Variants in MACROD2 observed in about 807,000 individuals in gnomAD.
The protein encoded by MACROD2 is ADP-ribose glycohydrolase MACROD2.
A neutral mutation model predicts 70.4 loss-of-function variants in MACROD2; 36 were observed. The observed-to-expected ratio is 0.51, with a 90% CI of 0.39 to 0.68. The LOEUF is 0.68. Among genes scored for constraint, MACROD2 ranks in the 30% least tolerant of loss-of-function variants. MACROD2 has a pLI of 0.00. For missense variants in MACROD2, 496 were observed against 538.4 expected (o/e 0.92, Z 0.78); for synonymous variants, 172 against 178.8 (o/e 0.96, Z 0.30).
intron 3 of MACROD2, among the ~76,000 whole-genome samples, chr20:14,361,464 G>T (rs972756614): frequency 6.6e-6 from 1 of 152,012 alleles, no homozygotes; most frequent in Non-Finnish European, 1.5e-5. Context: ...AATGGAGCTG[G>T]ATACATAATA....
chr20:14,765,896 T>C (rs940025740), intron 5 of MACROD2, among the ~76,000 whole-genome samples: 1 of 152,056 alleles, frequency 6.6e-6, no homozygotes, highest in Non-Finnish European at 1.5e-5. Flanking sequence ...GAAAACCTGC[T>C]GTACCACAGA....
intron 15 of MACROD2, among the ~76,000 whole-genome samples, chr20:15,995,699 A>T (rs2066621661): frequency 2.3e-5 from 3 of 132,620 alleles, no homozygotes; most frequent in African/African-American, 8.4e-5. Context: ...TATAAATGAG[A>T]TCACACAGTG....
rs1330274403 is a variant in MACROD2 at position 14,862,622 on chromosome 20, TATATATAAATATATATATAA to T, written c.418+177671_418+177690del. Among the ~76,000 whole-genome samples, 23 of 13,016 alleles carry T rather than the reference TATATATAAATATATATATAA, an allele frequency of 1.8e-3. 2 individuals are homozygous for T. Among genetic ancestry groups the T allele is most frequent in the East Asian group, 3.3e-3 (2 of 598 alleles). The allele number at this position is 13,016 out of a possible 152,430, so 8.5% of individuals were successfully genotyped here. A position where few individuals can be genotyped will look rare whatever the true frequency, so the allele number is the denominator to read the frequency against. ...ATAAATATAAATATATATAAATATA[TATATATAAATATATATATAA>T]ATATATATATATAAATATATATATA... On this transcript the variant is annotated intron_variant, in intron 5 of 17. Transcript: ENST00000684519.
intron 5 of MACROD2, among the ~76,000 whole-genome samples, chr20:14,760,120 T>C (rs1194641504): frequency 1.3e-5 from 2 of 152,074 alleles, no homozygotes; most frequent in African/African-American, 4.8e-5. Flanking sequence ...AGAGGATTCA[T>C]GTGTTGCACA....
intron 4 of MACROD2, among the ~76,000 whole-genome samples, chr20:14,576,283 C>G (rs768783595): frequency 6.6e-6 from 1 of 152,130 alleles, no homozygotes; most frequent in Non-Finnish European, 1.5e-5. Context: ...TGGCCAGTAG[C>G]AACAGAGCTG....
At chr20:15,230,998 A>G (rs1258461477) in intron 6 of MACROD2, among the ~76,000 whole-genome samples, 2 of 152,098 alleles carry the variant, frequency 1.3e-5, no homozygotes, top group Admixed American at 1.3e-4. Context: ...TTGATAGTTC[A>G]CAGAGGTAGT....
chr20:14,105,718 G>C (rs1482127766), intron 3 of MACROD2, among the ~76,000 whole-genome samples: 1 of 152,148 alleles, frequency 6.6e-6, no homozygotes, highest in Non-Finnish European at 1.5e-5. Flanking sequence ...AGACAGTGCA[G>C]TTTGCAGCAA....
chr20:14,913,095 C>A (rs923686350), intron 5 of MACROD2, among the ~76,000 whole-genome samples: 2 of 152,036 alleles, frequency 1.3e-5, no homozygotes, highest in Non-Finnish European at 2.9e-5. Flanking sequence ...GTGTGTATGG[C>A]TGTGTGAGTG....
At chr20:14,214,705 C>T (rs957357909) in intron 3 of MACROD2, among the ~76,000 whole-genome samples, 29 of 151,088 alleles carry the variant, frequency 1.9e-4, no homozygotes, top group Admixed American at 2.0e-4. Flanking sequence ...ACCCGTCACC[C>T]GAGCAGCATA....
At chr20:15,147,033 CT>C (rs1189452813) in intron 5 of MACROD2, among the ~76,000 whole-genome samples, 2 of 152,042 alleles carry the variant, frequency 1.3e-5, no homozygotes, top group Non-Finnish European at 2.9e-5. Context: ...CAGGATAACC[CT>C]TGATTGGCCT....
chr20:15,221,652 G>C (rs1251238997), intron 5 of MACROD2, among the ~76,000 whole-genome samples: 2 of 152,184 alleles, frequency 1.3e-5, no homozygotes, highest in African/African-American at 2.4e-5. Flanking sequence ...GAAAGGGAGA[G>C]CTGATAAAAA....
At chr20:14,865,329 T>C (rs2073416719) in intron 5 of MACROD2, among the ~76,000 whole-genome samples, 1 of 152,082 alleles carries the variant, frequency 6.6e-6, no homozygotes, top group Non-Finnish European at 1.5e-5. Flanking sequence ...CTACCTCTTC[T>C]GTGTGCCCTT....
At chr20:15,700,902 A>C (rs6110748) in intron 8 of MACROD2, among the ~76,000 whole-genome samples, 2,332 of 152,294 alleles carry the variant, frequency 0.015, 67 homozygotes, top group African/African-American at 0.05. Flanking sequence ...CATCTATCAC[A>C]TAAGTGTTAT....
At chr20:15,200,773 A>G (rs555186832) in intron 5 of MACROD2, among the ~76,000 whole-genome samples, 90 of 152,210 alleles carry the variant, frequency 5.9e-4, no homozygotes, top group Non-Finnish European at 9.6e-4. Context: ...CTCAAACTTT[A>G]ATGTTTATAC....
chr20:14,107,774 A>G (rs1249791025), intron 3 of MACROD2, among the ~76,000 whole-genome samples: 1 of 152,130 alleles, frequency 6.6e-6, no homozygotes, highest in Non-Finnish European at 1.5e-5. Flanking sequence ...GCCCTAGAAT[A>G]TTATGTCTGG....
rs534317643 is a variant in MACROD2 at position 14,813,626 on chromosome 20, A to G, written c.418+128667A>G. Among the ~76,000 whole-genome samples, 133 of 152,046 alleles carry G rather than the reference A, an allele frequency of 8.7e-4. 2 individuals carry two copies. The highest frequency in any genetic ancestry group is 1.5e-3 in the Non-Finnish European group (103 of 67,984). ...TTAAAGGATACAAATAAGGAGCCAGATGGAGGAGGTGCTCAGGGCAAGGCA... is the reference window on the plus strand; with the variant it reads ...TTAAAGGATACAAATAAGGAGCCAGGTGGAGGAGGTGCTCAGGGCAAGGCA... On this transcript the variant is annotated intron_variant, in intron 5 of 17. Coordinates refer to ENST00000684519, the MANE Select transcript of MACROD2 (RefSeq NM_001351661.2).
intron 5 of MACROD2, among the ~76,000 whole-genome samples, chr20:15,003,744 G>A (rs923554296): frequency 5.9e-5 from 9 of 152,118 alleles, no homozygotes; most frequent in African/African-American, 1.9e-4. Context: ...GCTACAGGCT[G>A]GAGAGAGGAG....
intron 5 of MACROD2, among the ~76,000 whole-genome samples, chr20:14,862,711 A>AT (rs1387313766): frequency 5.4e-5 from 5 of 93,310 alleles, no homozygotes; most frequent in Non-Finnish European, 9.5e-5. Context: ...ATATATATAT[A>AT]TATATTTTTT....
intron 8 of MACROD2, among the ~76,000 whole-genome samples, chr20:15,795,122 G>A: frequency 6.6e-6 from 1 of 152,044 alleles, no homozygotes; most frequent in Non-Finnish European, 1.5e-5. Context: ...TGCCCCCAGG[G>A]AGTTGTGCAA....
Sources: gnomAD v4.1 joint callset for allele counts (sites outside exome capture counted in the v4.1 genomes callset) on GRCh38, gnomAD v4.1.1 for gene constraint, MANE v1.5 for transcripts, NCBI Gene and HGNC (gene_info 2026-07-23, HGNC 2026-07-21) for gene names.